PHACTR1: variants seen among roughly 807,000 people sequenced by gnomAD.
The protein encoded by PHACTR1 is RPEL repeat containing 1.
Under a neutral mutation model 69.2 loss-of-function variants are expected in PHACTR1, and 16 were observed. The observed-to-expected ratio is 0.23, with a 90% CI of 0.16 to 0.35. PHACTR1 has a LOEUF of 0.35. Among genes scored for constraint, PHACTR1 ranks in the 10% least tolerant of loss-of-function variants. PHACTR1 has a pLI of 1.00. For synonymous variants in PHACTR1, 312 were observed against 284.5 expected, an observed-to-expected ratio of 1.10 and a Z score of -0.97; for missense variants, 510 against 734.7, an observed-to-expected ratio of 0.69 and a Z score of 3.54.
At chr6:13,239,362 C>T (rs1233464717) in intron 10 of PHACTR1, among the ~76,000 whole-genome samples, 1 of 152,204 alleles carries the variant, frequency 6.6e-6, no homozygotes, top group Non-Finnish European at 1.5e-5. Flanking sequence ...GGTAATTTGA[C>T]ATCTTTTATG....
At chr6:12,838,960 T>C (rs1030122941) in intron 4 of PHACTR1, among the ~76,000 whole-genome samples, 7 of 152,220 alleles carry the variant, frequency 4.6e-5, no homozygotes, top group Non-Finnish European at 8.8e-5. Flanking sequence ...CTGCCAATGA[T>C]GATGGTACTA....
At chr6:13,161,451 C>G (rs901156746) in intron 6 of PHACTR1, among the ~76,000 whole-genome samples, 1 of 152,120 alleles carries the variant, frequency 6.6e-6, no homozygotes, top group African/African-American at 2.4e-5. Context: ...TTGTTAAAAT[C>G]ATCAACAGTG....
chr6:13,182,723 C>T (rs1364474508), intron 7 of PHACTR1, 37 bp downstream of exon 7: 19 of 1,477,146 alleles, frequency 1.3e-5, no homozygotes, highest in Admixed American at 2.6e-5. Flanking sequence ...AGGTCCCAGA[C>T]ACCAAGTCCA....
intron 5 of PHACTR1, among the ~76,000 whole-genome samples, chr6:13,061,698 G>A (rs548911762): frequency 6.6e-6 from 1 of 152,210 alleles, no homozygotes; most frequent in East Asian, 1.9e-4. Flanking sequence ...TATTTGCTGA[G>A]TTTTGTGCTG....
intron 4 of PHACTR1, among the ~76,000 whole-genome samples, chr6:12,902,638 G>T (rs983625777): frequency 3.3e-5 from 5 of 151,928 alleles, no homozygotes; most frequent in African/African-American, 1.2e-4. Flanking sequence ...TAGGCTGAGG[G>T]GCATAACCTG....
chr6:12,726,575 G>A (rs968720004), intron 3 of PHACTR1, among the ~76,000 whole-genome samples: 7 of 152,188 alleles, frequency 4.6e-5, no homozygotes, highest in African/African-American at 1.4e-4. Flanking sequence ...CACACACGTT[G>A]AGAACCACTC....
chr6:12,996,645 A>G (rs1797442295), intron 4 of PHACTR1, among the ~76,000 whole-genome samples: 1 of 152,218 alleles, frequency 6.6e-6, no homozygotes, highest in South Asian at 2.1e-4. Context: ...GAGACTAAAT[A>G]TGTGACCTCT....
intron 4 of PHACTR1, among the ~76,000 whole-genome samples, chr6:12,995,568 G>A (rs551560725): frequency 3.2e-4 from 48 of 151,952 alleles, no homozygotes; most frequent in Non-Finnish European, 3.1e-4. Flanking sequence ...AATGGTACTC[G>A]TTAATACTTA....
In PHACTR1 at chr6:13,053,408, C is replaced by G; in HGVS notation, c.294C>G (p.Leu98=). The change falls in exon 5 of 15, where the codon CTC becomes CTG. Residue 98 remains leucine, a synonymous_variant. Transcript: ENST00000332995. ...ERLAAMRSDS[L]VPGTHTPPIR... ...TGGCGGCGATGCGTTCTGACTCCCTCGTCCCAGGCACCCACACCCCACCCA... is the reference window on the plus strand; with the variant it reads ...TGGCGGCGATGCGTTCTGACTCCCTGGTCCCAGGCACCCACACCCCACCCA... 6.2e-7 allele frequency: 1 copy of G among 1,613,240 alleles called. No individual in the cohort carries two copies. The highest frequency in any genetic ancestry group is 8.5e-7 in the Non-Finnish European group (1 of 1,179,566).
chr6:12,938,795 G>A (rs908431917), intron 4 of PHACTR1, among the ~76,000 whole-genome samples: 1 of 152,002 alleles, frequency 6.6e-6, no homozygotes, highest in Admixed American at 6.5e-5. Flanking sequence ...TTATGTAAAC[G>A]GAACACTAAA....
At chr6:12,818,031 G>A (rs1775787670) in intron 4 of PHACTR1, among the ~76,000 whole-genome samples, 2 of 152,056 alleles carry the variant, frequency 1.3e-5, no homozygotes. Context: ...CACCATATTA[G>A]CCAGGATGGT....
intron 5 of PHACTR1, among the ~76,000 whole-genome samples, chr6:13,119,516 C>G (rs1007920094): frequency 6.6e-6 from 1 of 152,130 alleles, no homozygotes; most frequent in Non-Finnish European, 1.5e-5. Context: ...CCTAAGAAGG[C>G]CTCTCAGGGA....
At chr6:13,229,955 T>C (rs1198583185) in intron 9 of PHACTR1, 82 bp from the exon 10 acceptor site, 1 of 1,433,672 alleles carries the variant, frequency 7.0e-7, no homozygotes, top group East Asian at 2.5e-5. Flanking sequence ...CTTCCTGCCT[T>C]GTATCTTATG....
intron 4 of PHACTR1, among the ~76,000 whole-genome samples, chr6:12,906,928 A>G (rs1213269950): frequency 6.6e-6 from 1 of 152,208 alleles, no homozygotes; most frequent in Non-Finnish European, 1.5e-5. Flanking sequence ...GACCCATCAG[A>G]ACCACATGAA....
chr6:13,181,218 G>A (rs928069786), intron 6 of PHACTR1, among the ~76,000 whole-genome samples: 5 of 151,994 alleles, frequency 3.3e-5, no homozygotes, highest in African/African-American at 1.2e-4. Flanking sequence ...GGGCCAAGGA[G>A]GGATTCTGTG....
chr6:13,257,191 AGAG>A (rs1023933213), intron 10 of PHACTR1, among the ~76,000 whole-genome samples: 10 of 152,172 alleles, frequency 6.6e-5, no homozygotes, highest in African/African-American at 2.2e-4. Flanking sequence ...AGCAAGAGAG[AGAG>A]GAGGAGGTGC....
At chr6:13,262,174 T>C (rs1776008423) in intron 10 of PHACTR1, among the ~76,000 whole-genome samples, 1 of 152,058 alleles carries the variant, frequency 6.6e-6, no homozygotes, top group African/African-American at 2.4e-5. Flanking sequence ...GTAGATGGAA[T>C]CAGAGATGGT....
chr6:12,720,167 T>C (rs522923), intron 3 of PHACTR1, among the ~76,000 whole-genome samples: 112,873 of 152,060 alleles, frequency 0.74, 43,020 homozygotes, highest in East Asian at 0.96. Context: ...AGAATGGAGG[T>C]TGGAAGGGGG....
intron 5 of PHACTR1, among the ~76,000 whole-genome samples, chr6:13,107,556 G>A (rs1472844578): frequency 6.6e-6 from 1 of 152,104 alleles, no homozygotes; most frequent in Non-Finnish European, 1.5e-5. Flanking sequence ...TAATAGCTAT[G>A]GAACTATTTG....
Sources: allele counts gnomAD v4.1 joint callset (sites outside exome capture counted in the v4.1 genomes callset), GRCh38; gene constraint gnomAD v4.1.1; transcripts MANE v1.5; gene names NCBI Gene and HGNC (gene_info 2026-07-23, HGNC 2026-07-21).